The following RSU1 variants were observed in gnomAD, a reference collection of about 807,000 sequenced individuals.
RSU1 encodes Ras suppressor protein 1, also known as rsu-1.
Under a neutral mutation model 31.1 loss-of-function variants are expected in RSU1, and 26 were observed. That is an observed-to-expected ratio of 0.84 (90% CI 0.61 to 1.16). RSU1 has a LOEUF of 1.16. Ranked by LOEUF, RSU1 falls within the 50% of genes most tolerant of loss-of-function variation. RSU1 has a pLI of 0.00. For synonymous variants in RSU1, 164 were observed against 136.3 expected, an observed-to-expected ratio of 1.20 and a Z score of -1.41; for missense variants, 320 against 339.1, an observed-to-expected ratio of 0.94 and a Z score of 0.44.
At chr10:16,810,884 T>C (rs978337655) in intron 2 of RSU1, among the ~76,000 whole-genome samples, 1 of 151,982 alleles carries the variant, frequency 6.6e-6, no homozygotes, top group Non-Finnish European at 1.5e-5. Flanking sequence ...TTGCCGGCAG[T>C]GGTGGCATGT....
At chr10:16,644,973 T>C (rs997238531) in intron 8 of RSU1, among the ~76,000 whole-genome samples, 12 of 152,178 alleles carry the variant, frequency 7.9e-5, no homozygotes, top group Admixed American at 6.5e-4. Flanking sequence ...ATCAAGGAAA[T>C]TGTATGATAA....
intron 7 of RSU1, among the ~76,000 whole-genome samples, chr10:16,746,382 A>G (rs1277270029): frequency 6.6e-6 from 1 of 152,156 alleles, no homozygotes; most frequent in East Asian, 1.9e-4. Flanking sequence ...TGCCGAGCAG[A>G]CCAATGTGAT....
At chr10:16,809,734 CA>C (rs1838363271) in intron 2 of RSU1, among the ~76,000 whole-genome samples, 1 of 152,102 alleles carries the variant, frequency 6.6e-6, no homozygotes, top group Non-Finnish European at 1.5e-5. Context: ...CAACTAGGTT[CA>C]TGTGAATTTA....
chr10:16,697,831 T>G (rs1284276780), intron 7 of RSU1, among the ~76,000 whole-genome samples: 2 of 152,086 alleles, frequency 1.3e-5, no homozygotes, highest in Admixed American at 1.3e-4. Context: ...ATATCTTTCC[T>G]TCTTCTGCAA....
chr10:16,814,691 A>C (rs776076178), intron 2 of RSU1, among the ~76,000 whole-genome samples: 28 of 152,114 alleles, frequency 1.8e-4, no homozygotes, highest in Non-Finnish European at 3.2e-4. Context: ...AGGAGATGGA[A>C]TCTGCAAATC....
At chr10:16,719,135 C>G (rs1836204580) in intron 7 of RSU1, among the ~76,000 whole-genome samples, 1 of 152,088 alleles carries the variant, frequency 6.6e-6, no homozygotes, top group African/African-American at 2.4e-5. Flanking sequence ...CAGTGACAAC[C>G]TATCTCTACA....
chr10:16,795,891 A>G (rs772659490), intron 2 of RSU1, among the ~76,000 whole-genome samples: 10 of 152,154 alleles, frequency 6.6e-5, no homozygotes, highest in Non-Finnish European at 1.2e-4. Context: ...GGCTGATGTC[A>G]GACGTTTCTC....
At chr10:16,634,197 C>T (rs1360121771) in intron 8 of RSU1, among the ~76,000 whole-genome samples, 5 of 152,180 alleles carry the variant, frequency 3.3e-5, no homozygotes, top group Non-Finnish European at 7.3e-5. Context: ...CCAGAGCTAG[C>T]GCAAAGATGG....
At chr10:16,728,380 A>G (rs1383314949) in intron 7 of RSU1, among the ~76,000 whole-genome samples, 2 of 152,188 alleles carry the variant, frequency 1.3e-5, no homozygotes, top group African/African-American at 4.8e-5. Context: ...TCAGTCACAT[A>G]TACACCTACA....
chr10:16,625,536 A>G (rs1834142080), intron 8 of RSU1, among the ~76,000 whole-genome samples: 1 of 152,198 alleles, frequency 6.6e-6, no homozygotes. Flanking sequence ...TCTGTACAGA[A>G]GCATCAACCA....
rs75510603 is a variant in RSU1, at chr10:16,638,349, C to G, written c.732-44853G>C. On this transcript the variant is annotated intron_variant, in intron 8 of 8. Coordinates refer to ENST00000345264, the MANE Select transcript of RSU1 (RefSeq NM_012425.4). ...CCTTTTAACATCCTTGTGTCTTACG[C>G]AGATCATCCCCGCCAAAAGATTCTG... Among the ~76,000 whole-genome samples, 265 of 152,232 alleles carry G rather than the reference C, an allele frequency of 1.7e-3. 8 individuals are homozygous for G. The East Asian group carries it at 0.046, about 26-fold the overall frequency.
chr10:16,671,460 T>C (rs1176477773), intron 8 of RSU1, among the ~76,000 whole-genome samples: 2 of 152,162 alleles, frequency 1.3e-5, no homozygotes, highest in Non-Finnish European at 1.5e-5. Context: ...TGTTTTGTTT[T>C]TGTTTTGAGG....
At chr10:16,715,881 T>C (rs1431511723) in intron 7 of RSU1, among the ~76,000 whole-genome samples, 1 of 152,196 alleles carries the variant, frequency 6.6e-6, no homozygotes, top group Admixed American at 6.5e-5. Context: ...AATCTACAGA[T>C]TGCTTTAGAT....
intron 7 of RSU1, among the ~76,000 whole-genome samples, chr10:16,698,452 C>A (rs989904829): frequency 2.6e-5 from 4 of 152,156 alleles, no homozygotes; most frequent in Non-Finnish European, 5.9e-5. Flanking sequence ...TTATTAACAG[C>A]ATCTTACTAA....
At chr10:16,694,115 C>G (rs997225762) in intron 8 of RSU1, among the ~76,000 whole-genome samples, 1 of 152,136 alleles carries the variant, frequency 6.6e-6, no homozygotes, top group African/African-American at 2.4e-5. Flanking sequence ...GAATTCCTTT[C>G]AACCTTGACA....
chr10:16,625,142 A>G (rs1026833273), intron 8 of RSU1, among the ~76,000 whole-genome samples: 2 of 152,176 alleles, frequency 1.3e-5, no homozygotes, highest in Admixed American at 6.5e-5. Context: ...TTCAGGCAGA[A>G]TCCGTCACTT....
At chr10:16,712,218 T>C (rs886827944) in intron 7 of RSU1, among the ~76,000 whole-genome samples, 4 of 152,190 alleles carry the variant, frequency 2.6e-5, no homozygotes, top group Non-Finnish European at 5.9e-5. Context: ...TTTATGTTTG[T>C]CTTTAATGAT....
At chr10:16,808,184 A>G (rs1838316770) in intron 2 of RSU1, among the ~76,000 whole-genome samples, 2 of 152,164 alleles carry the variant, frequency 1.3e-5, no homozygotes, top group Middle Eastern at 3.4e-3. Context: ...GACACACTCA[A>G]GAGTGAACTC....
chr10:16,705,693 T>G (rs1835884964), intron 7 of RSU1, among the ~76,000 whole-genome samples: 1 of 152,208 alleles, frequency 6.6e-6, no homozygotes, highest in Admixed American at 6.5e-5. Flanking sequence ...TTTCACCATG[T>G]TGGCCAAGCT....
Sources: gnomAD v4.1 joint callset for allele counts (sites outside exome capture counted in the v4.1 genomes callset) on GRCh38, gnomAD v4.1.1 for gene constraint, MANE v1.5 for transcripts, NCBI Gene and HGNC (gene_info 2026-07-23, HGNC 2026-07-21) for gene names.